The following CRACD variants were observed in gnomAD, a reference collection of about 807,000 sequenced individuals.
CRACD encodes the protein capping protein-inhibiting regulator of actin dynamics.
A neutral mutation model predicts 106.8 loss-of-function variants in CRACD; 56 were observed. The ratio of observed to expected loss-of-function variants is 0.52; its 90% confidence interval spans 0.42 to 0.66. The LOEUF (loss-of-function observed/expected upper bound fraction) is 0.66, where lower values mean the gene tolerates loss of function less well. CRACD is among the 30% of genes least tolerant of loss of function. CRACD has a pLI of 0.00. For synonymous variants in CRACD, 754 were observed against 670.8 expected (o/e 1.12, Z -1.92); for missense variants, 1,730 against 1,623.2 (o/e 1.07, Z -1.13).
At chr4:56,087,689 T>G (rs1283076696) in intron 1 of CRACD, among the ~76,000 whole-genome samples, 1 of 152,228 alleles carries the variant, frequency 6.6e-6, no homozygotes, top group Non-Finnish European at 1.5e-5. Flanking sequence ...AGATGCCTAC[T>G]GGACATAACT....
chr4:56,291,230 C>G (rs1743685280), intron 3 of CRACD, among the ~76,000 whole-genome samples: 1 of 152,240 alleles, frequency 6.6e-6, no homozygotes, highest in Admixed American at 6.5e-5. Context: ...TCTTGGTTCC[C>G]TCTTAAAAGG....
chr4:56,259,106 C>T lies in CRACD; in HGVS notation c.-188-13215C>T, dbSNP rs951171967. On this transcript the variant is annotated intron_variant, in intron 2 of 10. Transcript: ENST00000682029. ...TTAGGGGAAGAGACACAAGCTCCTG[C>T]CTTTAAGGGTACTGCTTCACTTTTG... Among the ~76,000 whole-genome samples the T allele has an allele frequency of 9.9e-5, 15 of 152,108 alleles. 1 individual carries two copies. Among genetic ancestry groups the T allele is most frequent in the Admixed American group, 7.9e-4 (12 of 15,276 alleles).
chr4:56,104,682 A>G (rs1199584857), intron 1 of CRACD, among the ~76,000 whole-genome samples: 1 of 152,046 alleles, frequency 6.6e-6, no homozygotes, highest in Non-Finnish European at 1.5e-5. Flanking sequence ...AAACTAATTA[A>G]ATAGGCCGGG....
intron 4 of CRACD, among the ~76,000 whole-genome samples, chr4:56,298,564 G>A (rs1358715723): frequency 2.0e-5 from 3 of 152,176 alleles, no homozygotes; most frequent in Non-Finnish European, 4.4e-5. Flanking sequence ...CCATCTGCAT[G>A]ACACACCCTC....
intron 8 of CRACD, chr4:56,321,422 T>C (rs1746100503): frequency 6.5e-6 from 1 of 152,694 alleles, no homozygotes; most frequent in Non-Finnish European, 1.5e-5. Context: ...ATTTTGACCC[T>C]TCCAGTAAAT....
chr4:56,078,590 A>T (rs1458098414), intron 1 of CRACD, among the ~76,000 whole-genome samples: 1 of 152,010 alleles, frequency 6.6e-6, no homozygotes, highest in African/African-American at 2.4e-5. Flanking sequence ...TAAATTCTTT[A>T]TTTTTAGTAG....
intron 4 of CRACD, among the ~76,000 whole-genome samples, chr4:56,306,384 C>T (rs1744697929): frequency 6.6e-6 from 1 of 151,996 alleles, no homozygotes; most frequent in African/African-American, 2.4e-5. Flanking sequence ...ATCCCAGCTA[C>T]TTGGAAGGCT....
rs1404737380 is a variant in CRACD, at chr4:56,327,534, A to G, written c.3542-110A>G. The G allele has an allele frequency of 6.3e-6, 6 of 958,408 alleles. No individual in the cohort carries two copies. The Admixed American group carries it at 1.4e-4, about 22-fold the overall frequency. The allele number at this position is 958,408 out of a possible 1,614,324, so 59.4% of individuals were successfully genotyped here. A position where few individuals can be genotyped will look rare whatever the true frequency, so the allele number is the denominator to read the frequency against. On this transcript the variant is annotated intron_variant, in intron 10 of 10. Transcript: ENST00000682029. ...ATTTCAAAACAATGTTGTACATGAC[A>G]AATACAGTTTGTCATGATAAATACA...
In CRACD at chr4:56,259,134, G is replaced by A. The variant is rs76248578; in HGVS notation, c.-188-13187G>A. ...TTAAGGGTACTGCTTCACTTTTGGG[G>A]CAAAAAGCAGGGGCTTTTAAAGTGG... On this transcript the variant is annotated intron_variant, in intron 2 of 10. Transcript: ENST00000682029. Among the ~76,000 whole-genome samples, 716 of 152,202 alleles carry A rather than the reference G, an allele frequency of 4.7e-3. 19 individuals carry two copies. In the East Asian group the frequency reaches 0.054, roughly 12 times the overall value.
chr4:56,124,980 T>A (rs563677024), intron 1 of CRACD, among the ~76,000 whole-genome samples: 46 of 152,220 alleles, frequency 3.0e-4, no homozygotes, highest in Non-Finnish European at 5.9e-4. Flanking sequence ...ATGCTTTAAT[T>A]TTTTGAAAAC....
At chr4:56,250,897 A>G (rs1198899703) in intron 2 of CRACD, among the ~76,000 whole-genome samples, 1 of 152,220 alleles carries the variant, frequency 6.6e-6, no homozygotes, top group African/African-American at 2.4e-5. Flanking sequence ...TTACAAGCAT[A>G]TTTCGAAATA....
rs150131627 is a variant in CRACD at position 56,212,971 on chromosome 4, G to A, written c.-189+33541G>A. On this transcript the variant is annotated intron_variant, in intron 2 of 10. Transcript: ENST00000682029. ...CAGAGAACTCACAACACAAATCTGTGGAGTTTTGGAATCCAAGAGAGAGCT... is the reference window on the plus strand; with the variant it reads ...CAGAGAACTCACAACACAAATCTGTAGAGTTTTGGAATCCAAGAGAGAGCT... Among the ~76,000 whole-genome samples the A allele has an allele frequency of 6.0e-3, 912 of 151,842 alleles. 14 individuals carry two copies. Among genetic ancestry groups the A allele is most frequent in the African/African-American group, 0.021 (861 of 41,212 alleles).
At chr4:56,112,398 T>A (rs1024585709) in intron 1 of CRACD, among the ~76,000 whole-genome samples, 1 of 152,166 alleles carries the variant, frequency 6.6e-6, no homozygotes, top group Non-Finnish European at 1.5e-5. Context: ...GGGACATCTC[T>A]AAGCAGCGGG....
chr4:56,150,099 A>G (rs930122999), intron 1 of CRACD, among the ~76,000 whole-genome samples: 5 of 152,226 alleles, frequency 3.3e-5, no homozygotes, highest in Admixed American at 6.5e-5. Context: ...TGAAGCACAC[A>G]TTGAAACATA....
Position 56,315,560 on chromosome 4 carries a change from C to T in CRACD, c.2058C>T (p.Ser686=), listed in dbSNP as rs768705327. ...ACGCAGAGAGTGACCCGCGCAGCAG[C>T]GAGAGGGACCAGTTGAGGCCCGGTG... ...LKNAESDPRS[S]ERDQLRPGDE... The change falls in exon 8 of 11, where the codon AGC becomes AGT. Residue 686 remains serine (S), a synonymous_variant. Transcript: ENST00000682029. The surrounding 1 kb of genome is among the most constrained non-coding windows in gnomAD (Gnocchi z 4.1). The T allele has an allele frequency of 6.2e-7, 1 of 1,614,118 alleles. No homozygotes were observed.
At chr4:56,143,015 A>G (rs888724673) in intron 1 of CRACD, among the ~76,000 whole-genome samples, 5 of 151,376 alleles carry the variant, frequency 3.3e-5, no homozygotes, top group Non-Finnish European at 5.9e-5. Context: ...TTTTTTTTAC[A>G]TATTATCAAT....
chr4:56,196,638 A>G (rs554731387), intron 2 of CRACD, among the ~76,000 whole-genome samples: 11 of 151,860 alleles, frequency 7.2e-5, no homozygotes, highest in Non-Finnish European at 1.2e-4. Flanking sequence ...TCTGCACTAA[A>G]CTCCTTTTAG....
intron 2 of CRACD, among the ~76,000 whole-genome samples, chr4:56,224,689 A>G (rs1739207371): frequency 6.6e-6 from 1 of 152,260 alleles, no homozygotes; most frequent in East Asian, 1.9e-4. Flanking sequence ...TCTATATTGT[A>G]TAGTCTTATA....
intron 2 of CRACD, among the ~76,000 whole-genome samples, chr4:56,193,963 G>T (rs542588759): frequency 1.3e-5 from 2 of 152,206 alleles, no homozygotes; most frequent in East Asian, 3.9e-4. Context: ...AGTAGTTGAT[G>T]ACTTGGATTA....
Sources: allele counts gnomAD v4.1 joint callset (sites outside exome capture counted in the v4.1 genomes callset), GRCh38; gene constraint gnomAD v4.1.1; non-coding constraint Gnocchi (gnomAD v3.1); transcripts MANE v1.5; gene names NCBI Gene and HGNC (gene_info 2026-07-23, HGNC 2026-07-21).